Variants in SULT1A1 observed in about 807,000 individuals in gnomAD.
The protein encoded by SULT1A1 is sulfotransferase 1A1.
In SULT1A1, 35 loss-of-function variants were observed where a neutral mutation model predicts 36.8. The ratio of observed to expected loss-of-function variants is 0.95; its 90% CI spans 0.73 to 1.26. SULT1A1 has a LOEUF of 1.26. SULT1A1 is among the 50% of genes most tolerant of loss of function. SULT1A1 has a pLI of 0.00. For missense variants in SULT1A1, 309 were observed against 383.0 expected (o/e 0.81, Z 1.61); for synonymous variants, 119 against 146.0 (o/e 0.82, Z 1.33).
intron 2 of SULT1A1, among the ~76,000 whole-genome samples, chr16:28,619,637 T>C (rs2151722898): frequency 6.6e-6 from 1 of 151,878 alleles, no homozygotes; most frequent in Non-Finnish European, 1.5e-5. Flanking sequence ...GGAGGATCGC[T>C]TGAGCTCAGG....
chr16:28,608,929 C>A, intron 1 of SULT1A1, 70 bp from the exon 2 acceptor site: 2 of 1,610,658 alleles, frequency 1.2e-6, no homozygotes, highest in Non-Finnish European at 1.7e-6. Context: ...GGAATTCTTG[C>A]TTTCAGGGAA....
intron 1 of SULT1A1, 164 bp downstream of exon 1, chr16:28,609,766 CA>C (rs1423885349): frequency 1.2e-6 from 1 of 868,192 alleles, no homozygotes; most frequent in Non-Finnish European, 1.5e-6. Flanking sequence ...GGGAAAAAAA[CA>C]AACAAACAAG....
chr16:28,606,677 AGG>A (rs1445489526), intron 6 of SULT1A1, 82 bp downstream of exon 6: 1 of 1,569,378 alleles, frequency 6.4e-7, no homozygotes, highest in Admixed American at 1.8e-5. Context: ...CTGCCCAGGG[AGG>A]GGGCTGGGTG....
In SULT1A1 at chr16:28,619,765, G is replaced by GAC. The variant is rs1280903409; in HGVS notation, c.138+296_138+297dup. ...ATATATATATACATATATATATATA[G>GAC]ACACACACACACACACAAAGAATCC... On this transcript the variant is annotated intron_variant, in intron 2 of 5. Coordinates refer to the SULT1A1 transcript ENST00000350842. Among the ~76,000 whole-genome samples, 195 of 47,514 alleles carry GAC rather than the reference G, an allele frequency of 4.1e-3. 1 individual carries two copies. The highest frequency in any genetic ancestry group is 9.8e-3 in the African/African-American group (148 of 15,088). 31.2% of individuals were successfully genotyped at this position (47,514 alleles called of 152,430 possible). A position where few individuals can be genotyped will look rare whatever the true frequency, so the allele number is the denominator to read the frequency against.
chr16:28,606,477 A>C (rs2047192704), intron 6 of SULT1A1, among the ~76,000 whole-genome samples: 1 of 151,790 alleles, frequency 6.6e-6, no homozygotes, highest in East Asian at 1.9e-4. Context: ...TTCTTCTGTG[A>C]CTGTGGCCCT....
chr16:28,608,148 C>T (rs556157713), intron 4 of SULT1A1, 143 bp downstream of exon 4: 1,030 of 1,227,294 alleles, frequency 8.4e-4, no homozygotes, highest in Middle Eastern at 1.1e-3. Flanking sequence ...CCACCACACC[C>T]GGCTAATTTT....
upstream of SULT1A1, chr16:28,610,940 G>C (rs181048875): frequency 1.3e-5 from 2 of 149,860 alleles, no homozygotes; most frequent in African/African-American, 4.9e-5. Flanking sequence ...AAATGCGTGA[G>C]TTCAGAGGCA....
intron 1 of SULT1A1, 35 bp downstream of exon 1, chr16:28,609,896 G>T (rs1316164656): frequency 1.6e-6 from 2 of 1,269,272 alleles, no homozygotes; most frequent in African/African-American, 3.0e-5. Flanking sequence ...TGAGCAGGGT[G>T]AGGGCGCCCT....
At chr16:28,610,194 G>A, upstream of SULT1A1, 2 of 1,283,798 alleles carry the variant, frequency 1.6e-6, no homozygotes, top group Non-Finnish European at 2.0e-6. Context: ...TGAGTTTGCT[G>A]TGTAGAAAAC....
chr16:28,610,405 C>A (rs899177865), upstream of SULT1A1: 18 of 430,188 alleles, frequency 4.2e-5, no homozygotes, highest in East Asian at 3.0e-4. Flanking sequence ...GAGGAGAAAG[C>A]TGGGATAGGC....
chr16:28,607,154 A>C (rs1373780812), intron 4 of SULT1A1, 77 bp from the exon 5 acceptor site: 1 of 1,592,908 alleles, frequency 6.3e-7, no homozygotes, highest in African/African-American at 1.3e-5. Context: ...TTGGATTGGC[A>C]AAGGAGGAAC....
Position 28,605,366 on chromosome 16 carries a change from G to A in SULT1A1, c.*455C>T. ...GCCCACTGCAGCCATAACCTCCCTG[G>A]CTCAGGCGATCCTCCTGCCTTCACT... On this transcript the variant is annotated 3_prime_UTR_variant, in exon 8 of 8. Coordinates refer to ENST00000314752, the MANE Select transcript of SULT1A1 (RefSeq NM_001055.4). 1 of 270,436 alleles carries A rather than the reference G, an allele frequency of 3.7e-6. No homozygotes were observed. Among genetic ancestry groups the A allele is most frequent in the Non-Finnish European group, 7.3e-6 (1 of 137,214 alleles). The allele number at this position is 270,436 out of a possible 1,614,324, so 16.8% of individuals were successfully genotyped here. A position where few individuals can be genotyped will look rare whatever the true frequency, so the allele number is the denominator to read the frequency against.
intron 4 of SULT1A1, 163 bp from the exon 5 acceptor site, chr16:28,607,240 A>G: frequency 2.3e-6 from 3 of 1,292,566 alleles, no homozygotes; most frequent in Non-Finnish European, 3.2e-6. Context: ...CCCTGCTCAG[A>G]AGCCAAAGTC....
At chr16:28,619,885 T>C (rs1308862285) in intron 2 of SULT1A1, among the ~76,000 whole-genome samples, 3 of 151,902 alleles carry the variant, frequency 2.0e-5, no homozygotes, top group South Asian at 2.1e-4. Context: ...TTTATAAATA[T>C]GTACACAGAA....
At chr16:28,609,406 G>A (rs1488205862) in intron 1 of SULT1A1, 1 of 1,285,358 alleles carries the variant, frequency 7.8e-7, no homozygotes, top group African/African-American at 1.5e-5. Flanking sequence ...ACGGCCCATT[G>A]AGGAACTGAG....
In SULT1A1 at chr16:28,607,635, T is replaced by TTTAC. The variant is rs1249791870; in HGVS notation, c.373-559_373-558insGTAA. On this transcript the variant is annotated intron_variant, in intron 4 of 7. Transcript: ENST00000314752. ...TATTTTATTTTATTTTATTTATTTA[T>TTTAC]TTTTGAGACAGAGAGTCTCAAAAAA... is the stretch of plus-strand genomic sequence containing the variant. The TTTAC allele has an allele frequency of 5.1e-5, 3 of 58,256 alleles. No homozygotes were observed. In the South Asian group the frequency reaches 1.4e-3, roughly 28 times the overall value. 3.6% of individuals were successfully genotyped at this position (58,256 alleles called of 1,614,324 possible).
chr16:28,606,616 G>C (rs1271869311), intron 6 of SULT1A1, 145 bp downstream of exon 6: 1 of 1,334,500 alleles, frequency 7.5e-7, no homozygotes, highest in Admixed American at 2.4e-5. Context: ...GCCTTAGTGG[G>C]GAGGCCTGGG....
In SULT1A1 at chr16:28,606,151, G is replaced by A. The variant is rs150459557; in HGVS notation, c.680C>T (p.Thr227Met). The change falls in exon 7 of 8, where the codon ACG becomes ATG. Residue 227 changes from threonine (T) to methionine (M), a missense_variant. Around this residue, in one of 3 missense-constraint regions of SULT1A1, gnomAD observed 67 missense variants for 122.0 expected, o/e 0.55. Transcript: ENST00000314752. ...EETVDFVVQH[T>M]SFKEMKKNPM... ...GTTCTTCTTCATCTCCTTGAACGAC[G>A]TGTGCTGAACCACGAAGTCCACGGT... 5,568 of 1,610,606 alleles carry A rather than the reference G, an allele frequency of 3.5e-3. 6 individuals are homozygous for A. The highest frequency in any genetic ancestry group is 4.4e-3 in the Non-Finnish European group (5,169 of 1,177,284).
At chr16:28,616,711 C>T (rs2047554379) in intron 2 of SULT1A1, among the ~76,000 whole-genome samples, 1 of 152,170 alleles carries the variant, frequency 6.6e-6, no homozygotes, top group African/African-American at 2.4e-5. Flanking sequence ...GCATGAGCCA[C>T]CACACCCGAC....
Sources: allele counts gnomAD v4.1 joint callset (sites outside exome capture counted in the v4.1 genomes callset), GRCh38; gene constraint gnomAD v4.1.1; regional missense constraint gnomAD v4.1.1; transcripts MANE v1.5; gene names NCBI Gene and HGNC (gene_info 2026-07-23, HGNC 2026-07-21).